The following EPS8 variants were observed in gnomAD, a reference collection of about 807,000 sequenced individuals.
EPS8 encodes epidermal growth factor receptor kinase substrate 8.
A neutral mutation model predicts 103.8 loss-of-function variants in EPS8; 42 were observed. The ratio of observed to expected loss-of-function variants is 0.40; its 90% CI spans 0.32 to 0.52. The LOEUF (loss-of-function observed/expected upper bound fraction) is 0.52, where lower values mean the gene tolerates loss of function less well. EPS8 is among the 20% of genes least tolerant of loss of function. EPS8 has a pLI of 0.40. For synonymous variants in EPS8, 344 were observed against 344.6 expected (o/e 1.00, Z 0.02); for missense variants, 969 against 1,005.1 (o/e 0.96, Z 0.49).
At chr12:15,658,468 C>T in intron 11 of EPS8, 29 bp downstream of exon 11, 1 of 1,319,490 alleles carries the variant, frequency 7.6e-7, no homozygotes, top group South Asian at 1.2e-5. Context: ...TTTATTTCTT[C>T]TAATTCTATA....
chr12:15,662,562 T>G (rs1209448533), intron 8 of EPS8: 1 of 985,968 alleles, frequency 1.0e-6, no homozygotes, highest in African/African-American at 1.7e-5. Context: ...AGCAGAGTGC[T>G]TCTTAAAATT....
chr12:15,661,762 C>T (rs1945609625), intron 9 of EPS8, among the ~76,000 whole-genome samples: 1 of 152,154 alleles, frequency 6.6e-6, no homozygotes, highest in African/African-American at 2.4e-5. Flanking sequence ...TCTAATAATT[C>T]AGCCTAAGTT....
chr12:15,628,364 A>T (rs1325673603), intron 18 of EPS8, among the ~76,000 whole-genome samples: 1 of 152,116 alleles, frequency 6.6e-6, no homozygotes, highest in Non-Finnish European at 1.5e-5. Flanking sequence ...GGACAAAAAA[A>T]CCTCCACCTA....
At chr12:15,687,969 T>C (rs531323051) in intron 1 of EPS8, among the ~76,000 whole-genome samples, 13 of 152,318 alleles carry the variant, frequency 8.5e-5, no homozygotes, top group African/African-American at 2.4e-4. Flanking sequence ...TTGACATTAG[T>C]TTTTGAAGGA....
At chr12:15,753,973 G>A (rs1946959494) in intron 1 of EPS8, among the ~76,000 whole-genome samples, 1 of 152,232 alleles carries the variant, frequency 6.6e-6, no homozygotes, top group Non-Finnish European at 1.5e-5. Flanking sequence ...CTGAGGAGGT[G>A]AAAGAAAGGC....
chr12:15,623,093 A>C, intron 20 of EPS8, 65 bp downstream of exon 20: 1 of 1,512,178 alleles, frequency 6.6e-7, no homozygotes, highest in Non-Finnish European at 8.9e-7. Context: ...CAATATGGAC[A>C]TAAATAGTTG....
intron 8 of EPS8, 150 bp from the exon 9 acceptor site, chr12:15,662,249 C>G: frequency 6.8e-7 from 1 of 1,464,508 alleles, no homozygotes; most frequent in South Asian, 1.4e-5. Context: ...TGCTCATCAG[C>G]CATGAAATGC....
chr12:15,765,504 A>C (rs770330589), intron 1 of EPS8, among the ~76,000 whole-genome samples: 2 of 152,186 alleles, frequency 1.3e-5, no homozygotes, highest in Non-Finnish European at 2.9e-5. Context: ...TGCACCCAGA[A>C]AGAGAGAAGA....
chr12:15,727,867 T>A lies in EPS8; in HGVS notation c.-21-44895A>T, dbSNP rs1003302850. On this transcript the variant is annotated intron_variant, in intron 1 of 20. Transcript: ENST00000281172. The surrounding 1 kb of genome is among the most constrained non-coding windows in gnomAD (Gnocchi z 4.3). ...AGCGAGACTCCATCCCCAAAAAAAATAAAATAAAATAAATAAGTCTAGTTT... is the reference window on the plus strand; with the variant it reads ...AGCGAGACTCCATCCCCAAAAAAAAAAAAATAAAATAAATAAGTCTAGTTT... Among the ~76,000 whole-genome samples the A allele has an allele frequency of 1.5e-4, 23 of 151,942 alleles. No homozygotes were observed. The highest frequency in any genetic ancestry group is 3.9e-4 in the East Asian group (2 of 5,180).
Position 15,739,809 on chromosome 12 carries a change from T to C in EPS8, c.-22+49352A>G, listed in dbSNP as rs150602297. Among the ~76,000 whole-genome samples, 228 of 152,248 alleles carry C rather than the reference T, an allele frequency of 1.5e-3. No homozygotes were observed. The East Asian group carries it at 0.028, about 19-fold the overall frequency. ...CCACCCATCCATCCATAAATAGATATCCTATTATTTCTGTCTCTGGAGAAC... is the reference window on the plus strand; with the variant it reads ...CCACCCATCCATCCATAAATAGATACCCTATTATTTCTGTCTCTGGAGAAC... On this transcript the variant is annotated intron_variant, in intron 1 of 20. Transcript: ENST00000281172.
chr12:15,774,131 T>G (rs1453142499), intron 1 of EPS8, among the ~76,000 whole-genome samples: 1 of 152,014 alleles, frequency 6.6e-6, no homozygotes, highest in African/African-American at 2.4e-5. Context: ...AAATAACTAA[T>G]TTTTAGCGTG....
At chr12:15,755,089 C>G (rs376397702) in intron 1 of EPS8, among the ~76,000 whole-genome samples, 1 of 152,156 alleles carries the variant, frequency 6.6e-6, no homozygotes, top group African/African-American at 2.4e-5. Context: ...AGGAGAGAAG[C>G]TGAATACAGA....
In EPS8 at chr12:15,734,522, G is replaced by A. The variant is rs944048784; in HGVS notation, c.-21-51550C>T. Among the ~76,000 whole-genome samples, 12 of 151,974 alleles carry A rather than the reference G, an allele frequency of 7.9e-5. No individual in the cohort carries two copies. The highest frequency in any genetic ancestry group is 2.4e-4 in the African/African-American group (10 of 41,380). ...ATCCTGGCTAACACGGTGAAACCCC[G>A]TCTCTACTAAAAATACAAAGAATTA... is the stretch of plus-strand genomic sequence containing the variant. On this transcript the variant is annotated intron_variant, in intron 1 of 20. Transcript: ENST00000281172. This position sits in a 1 kb window ranked among gnomAD's most constrained non-coding sequence, Gnocchi z 4.1.
rs1946716393 is a variant in EPS8 at position 15,731,531 on chromosome 12, C to T, written c.-21-48559G>A. Among the ~76,000 whole-genome samples, 1 of 152,164 alleles carries T rather than the reference C, an allele frequency of 6.6e-6. No individual in the cohort carries two copies. The highest frequency in any genetic ancestry group is 2.4e-5 in the African/African-American group (1 of 41,446). ...CAGGCTGGTCTCGAACTCCTGACTT[C>T]AGGTGATCCACCCACCTTGGCATCC... On this transcript the variant is annotated intron_variant, in intron 1 of 20. Coordinates refer to ENST00000281172, the MANE Select transcript of EPS8 (RefSeq NM_004447.6). The surrounding 1 kb of genome is among the most constrained non-coding windows in gnomAD (Gnocchi z 5.1).
At chr12:15,664,314 C>CT (rs1464109314) in intron 8 of EPS8, among the ~76,000 whole-genome samples, 1 of 151,750 alleles carries the variant, frequency 6.6e-6, no homozygotes, top group Admixed American at 6.6e-5. Context: ...TCAAAGAATT[C>CT]TTTTTTTCAT....
At chr12:15,722,209 G>T in intron 1 of EPS8, among the ~76,000 whole-genome samples, 1 of 149,664 alleles carries the variant, frequency 6.7e-6, no homozygotes. Context: ...AAAAAAAAAC[G>T]CAAGAAAAAG....
intron 1 of EPS8, among the ~76,000 whole-genome samples, chr12:15,758,348 T>A (rs569736638): frequency 6.6e-6 from 1 of 152,288 alleles, no homozygotes; most frequent in East Asian, 1.9e-4. Context: ...CGTAGAACAT[T>A]CAACAAGACA....
chr12:15,662,527 A>G (rs903023539), intron 8 of EPS8: 2 of 986,428 alleles, frequency 2.0e-6, no homozygotes, highest in African/African-American at 3.5e-5. Flanking sequence ...CACTGTGACT[A>G]CAATAAAGCT....
chr12:15,788,958 C>T (rs968151576), intron 1 of EPS8, among the ~76,000 whole-genome samples: 1 of 152,136 alleles, frequency 6.6e-6, no homozygotes, highest in Non-Finnish European at 1.5e-5. Flanking sequence ...ACAGCTTGCC[C>T]GGACCCGGCG....
Sources: gnomAD v4.1 joint callset for allele counts (sites outside exome capture counted in the v4.1 genomes callset) on GRCh38, gnomAD v4.1.1 for gene constraint, Gnocchi (gnomAD v3.1) non-coding constraint, MANE v1.5 for transcripts, NCBI Gene and HGNC (gene_info 2026-07-23, HGNC 2026-07-21) for gene names.